LILRB1: variants seen among roughly 807,000 people sequenced by gnomAD.
LILRB1 encodes leukocyte immunoglobulin-like receptor subfamily B member 1.
A neutral mutation model predicts 74.6 loss-of-function variants in LILRB1; 59 were observed. The ratio of observed to expected loss-of-function variants is 0.79; its 90% CI spans 0.64 to 0.98. The LOEUF (loss-of-function observed/expected upper bound fraction) is 0.98, where lower values mean the gene tolerates loss of function less well. Ranked by LOEUF, LILRB1 falls within the 50% of genes least tolerant of loss-of-function variation. LILRB1 has a pLI of 0.00. For synonymous variants in LILRB1, 328 were observed against 333.9 expected (o/e 0.98, Z 0.19); for missense variants, 804 against 822.6 (o/e 0.98, Z 0.28).
chr19:54,626,981 G>C (rs1458139842), upstream of LILRB1, among the ~76,000 whole-genome samples: 1 of 152,210 alleles, frequency 6.6e-6, no homozygotes, highest in East Asian at 1.9e-4. Flanking sequence ...CCGGGAAGGT[G>C]GCTCAATGCT....
intron 6 of LILRB1, 59 bp from the exon 7 acceptor site, chr19:54,632,957 G>T (rs1193750581): frequency 1.3e-6 from 2 of 1,579,216 alleles, no homozygotes; most frequent in East Asian, 4.5e-5. Flanking sequence ...GGGAGACCTG[G>T]GGAGGTGTCA....
rs775034445 is a variant in LILRB1 at position 54,634,009 on chromosome 19, G to T, written c.1351G>T (p.Asp451Tyr). ...CCAGCCCCTCACCCCCACCGGGTCG[G>T]ATCCCCAGAGTGGTGAGTGACGGGC... ...EDQPLTPTGS[D>Y]PQSGLGRHLG... The change falls in exon 9 of 15, where the codon GAT becomes TAT. Residue 451 changes from aspartate to tyrosine, a missense_variant. Coordinates refer to ENST00000324602, the MANE Select transcript of LILRB1 (RefSeq NM_001081637.3). The T allele has an allele frequency of 6.3e-7, 1 of 1,598,446 alleles. No individual in the cohort carries two copies. The highest frequency in any genetic ancestry group is 8.5e-7 in the Non-Finnish European group (1 of 1,172,480).
At chr19:54,623,079 G>A (rs1020673142) in intron 1 of LILRB1, among the ~76,000 whole-genome samples, 1 of 152,052 alleles carries the variant, frequency 6.6e-6, no homozygotes, top group Non-Finnish European at 1.5e-5. Flanking sequence ...ATTTTCTTGA[G>A]GATTTTTGCA....
intron 1 of LILRB1, among the ~76,000 whole-genome samples, chr19:54,620,246 C>A (rs185514816): frequency 6.9e-4 from 105 of 152,122 alleles, no homozygotes; most frequent in African/African-American, 2.4e-3. Flanking sequence ...ACTATTAAAA[C>A]CAGAGGGTAT....
chr19:54,634,204 C>T, intron 9 of LILRB1, 183 bp downstream of exon 9: 1 of 1,499,310 alleles, frequency 6.7e-7, no homozygotes, highest in East Asian at 2.5e-5. Flanking sequence ...TCAGCTCTGA[C>T]TCCCAGCTGT....
chr19:54,633,483 C>T (rs548801510), intron 7 of LILRB1, among the ~76,000 whole-genome samples, 155 bp from the exon 8 acceptor site: 2 of 152,306 alleles, frequency 1.3e-5, no homozygotes, highest in South Asian at 2.1e-4. Context: ...CCCAGGCCTG[C>T]CCACCCTCAG....
rs533870489 is a variant in LILRB1, at chr19:54,634,298, C to T, written c.1363+277C>T. ...TGTCCCGTCCCACCTGCAGCAGAGA[C>T]GGTGACCTGGGGCAGGGGAGGGGAG... On this transcript the variant is annotated intron_variant, in intron 9 of 14. Coordinates refer to ENST00000324602, the MANE Select transcript of LILRB1 (RefSeq NM_001081637.3). 115 of 1,538,104 alleles carry T rather than the reference C, an allele frequency of 7.5e-5. 1 individual carries two copies. In the South Asian group the frequency reaches 1.1e-3, roughly 14 times the overall value.
Position 54,631,081 on chromosome 19 carries a change from C to T in LILRB1, c.8C>T (p.Pro3Leu), listed in dbSNP as rs759448568. ...GCAGTGGGAGGAGACGCCATGACCC[C>T]CATCCTCACGGTCCTGATCTGTCTC... Reference protein sequence around the residue: MTPILTVLICLGL... With the variant: MTLILTVLICLGL... Residue 3 changes from proline (P) to leucine (L), a missense_variant, in exon 2 of 15, where the codon CCC becomes CTC. Pro to Leu is a moderately conservative substitution (Grantham distance 98). Coordinates refer to ENST00000324602, the MANE Select transcript of LILRB1 (RefSeq NM_001081637.3). The T allele has an allele frequency of 6.2e-7, 1 of 1,614,202 alleles. No homozygotes were observed. The highest frequency in any genetic ancestry group is 8.5e-7 in the Non-Finnish European group (1 of 1,180,024).
chr19:54,628,995 C>T (rs1335154562), upstream of LILRB1, among the ~76,000 whole-genome samples: 1 of 152,238 alleles, frequency 6.6e-6, no homozygotes, highest in African/African-American at 2.4e-5. Flanking sequence ...ACACTTCCCT[C>T]TCCGGACACA....
intron 1 of LILRB1, among the ~76,000 whole-genome samples, chr19:54,619,015 A>T (rs2063385874): frequency 6.6e-6 from 1 of 152,190 alleles, no homozygotes; most frequent in African/African-American, 2.4e-5. Context: ...TAATTTAAAA[A>T]TTACAGGAAA....
chr19:54,618,142 G>T (rs1264686595), intron 1 of LILRB1, among the ~76,000 whole-genome samples: 1 of 137,640 alleles, frequency 7.3e-6, no homozygotes, highest in South Asian at 2.5e-4. Flanking sequence ...GAAAAAAAAA[G>T]AGTTTGAAAG....
chr19:54,617,567 G>C (rs2063340089), intron 1 of LILRB1, among the ~76,000 whole-genome samples: 2 of 151,078 alleles, frequency 1.3e-5, no homozygotes, highest in South Asian at 4.2e-4. Context: ...GTGTGTGTGT[G>C]TGTGTGTGTG....
Position 54,630,546 on chromosome 19 carries a change from G to A in LILRB1, c.-136G>A, listed in dbSNP as rs1360123362. On this transcript the variant is annotated 5_prime_UTR_variant, in exon 1 of 15. Transcript: ENST00000324602. ...GCCTGGGCGGCACAGCCAGATGCGA[G>A]ATGCGTCTCTGCTGATCTGAGTCTG... 16 of 576,018 alleles carry A rather than the reference G, an allele frequency of 2.8e-5. No individual in the cohort carries two copies. The highest frequency in any genetic ancestry group is 2.8e-4 in the Middle Eastern group (1 of 3,530). The allele number at this position is 576,018 out of a possible 1,614,324, so 35.7% of individuals were successfully genotyped here. A position where few individuals can be genotyped will look rare whatever the true frequency, so the allele number is the denominator to read the frequency against.
chr19:54,632,781 A>C (rs755298766), intron 6 of LILRB1, 21 bp downstream of exon 6: 5 of 1,611,242 alleles, frequency 3.1e-6, no homozygotes, highest in Non-Finnish European at 4.2e-6. Context: ...CAGCGGGTTC[A>C]GTCAGGGACC....
chr19:54,628,730 A>T (rs749611774), upstream of LILRB1, among the ~76,000 whole-genome samples: 2 of 151,994 alleles, frequency 1.3e-5, no homozygotes, highest in South Asian at 4.2e-4. Flanking sequence ...TTGGGTTTTT[A>T]TGAAGCTTCA....
intron 1 of LILRB1, among the ~76,000 whole-genome samples, chr19:54,621,153 C>T (rs944295708): frequency 5.9e-5 from 9 of 152,172 alleles, no homozygotes; most frequent in Non-Finnish European, 8.8e-5. Flanking sequence ...GGATTACAGG[C>T]GTGAGCCACC....
In LILRB1 at chr19:54,637,134, A is replaced by G. The variant is rs541183488; in HGVS notation, c.*256A>G. The G allele has an allele frequency of 7.9e-6, 4 of 503,298 alleles. No homozygotes were observed. The South Asian group carries it at 1.4e-4, about 18-fold the overall frequency. 31.2% of individuals were successfully genotyped at this position (503,298 alleles called of 1,614,324 possible). On this transcript the variant is annotated 3_prime_UTR_variant, in exon 15 of 15. Transcript: ENST00000324602. ...AGTGCATTAAACTGAATCACAATGT[A>G]AATATTACACATCAAGCGATGAAAC...
In LILRB1 at chr19:54,633,859, G is replaced by A. The variant is rs1188559312; in HGVS notation, c.1313-112G>A. On this transcript the variant is annotated intron_variant, in intron 8 of 14. Coordinates refer to ENST00000324602, the MANE Select transcript of LILRB1 (RefSeq NM_001081637.3). ...AGGGCTCTGAGGCTGGGCTGGTGAGGGGTGGGGGGTCAAGGCAGAGAGAAA... is the reference window on the plus strand; with the variant it reads ...AGGGCTCTGAGGCTGGGCTGGTGAGAGGTGGGGGGTCAAGGCAGAGAGAAA... The A allele has an allele frequency of 2.0e-6, 3 of 1,475,060 alleles. No homozygotes were observed. In the African/African-American group the frequency reaches 4.2e-5, roughly 21 times the overall value. 91.4% of individuals were successfully genotyped at this position (1,475,060 alleles called of 1,614,324 possible).
rs1418771737 is a variant in LILRB1 at position 54,630,865 on chromosome 19, A to T, written c.-48-161A>T. 11 of 652,462 alleles carry T rather than the reference A, an allele frequency of 1.7e-5. No homozygotes were observed. The Admixed American group carries it at 2.2e-4, about 13-fold the overall frequency. 40.4% of individuals were successfully genotyped at this position (652,462 alleles called of 1,614,324 possible). Reference sequence around the variant, plus strand: ...CCCATTACCATCTGAAATGATGCAGAGGGCCTAGTGACTGCCCCCACCTCA... The same window carrying T: ...CCCATTACCATCTGAAATGATGCAGTGGGCCTAGTGACTGCCCCCACCTCA... On this transcript the variant is annotated intron_variant, in intron 1 of 14. Transcript: ENST00000324602.
Sources: gnomAD v4.1 joint callset for allele counts (sites outside exome capture counted in the v4.1 genomes callset) on GRCh38, gnomAD v4.1.1 for gene constraint, MANE v1.5 for transcripts, NCBI Gene and HGNC (gene_info 2026-07-23, HGNC 2026-07-21) for gene names.